Variants in MTMR2 observed in about 807,000 individuals in gnomAD.
MTMR2 encodes the protein phosphatidylinositol-3,5-bisphosphate 3-phosphatase MTMR2.
MTMR2 carries 55 observed loss-of-function variants against 86.9 expected under a neutral mutation model. The observed-to-expected ratio is 0.63, with a 90% CI of 0.51 to 0.79. MTMR2 has a LOEUF of 0.79. MTMR2 is among the 30% of genes least tolerant of loss of function. The probability of loss-of-function intolerance (pLI) is 0.00; values close to 1 mark genes in which losing one functional copy is unlikely to be tolerated. For synonymous variants in MTMR2, 241 were observed against 266.8 expected (o/e 0.90, Z 0.94); for missense variants, 659 against 772.3 (o/e 0.85, Z 1.74).
intron 7 of MTMR2, 122 bp downstream of exon 7, chr11:95,857,430 C>T (rs995460416): frequency 2.8e-6 from 2 of 715,910 alleles, no homozygotes; most frequent in African/African-American, 1.8e-5. Context: ...CTGCTTTAAT[C>T]TCTTAATGTG....
At position 95,905,331 on chromosome 11, in the gene MTMR2, G is replaced by GCGCGCGCGCGCGCACACACA. The variant is rs928252045; in HGVS notation, c.81-17071_81-17070insTGTGTGTGCGCGCGCGCGCG. Among the ~76,000 whole-genome samples, 277 of 148,092 alleles carry GCGCGCGCGCGCGCACACACA rather than the reference G, an allele frequency of 1.9e-3. 5 individuals are homozygous for GCGCGCGCGCGCGCACACACA. The highest frequency in any genetic ancestry group is 3.4e-3 in the Middle Eastern group (1 of 294). On this transcript the variant is annotated intron_variant, in intron 1 of 14. Transcript: ENST00000346299. ...CTTACACACACACGCACGCACCTGC[G>GCGCGCGCGCGCGCACACACA]CACACACACACACACACACACACAC...
At chr11:95,906,747 T>C (rs1866292259) in intron 1 of MTMR2, among the ~76,000 whole-genome samples, 1 of 152,120 alleles carries the variant, frequency 6.6e-6, no homozygotes, top group Non-Finnish European at 1.5e-5. Context: ...CTCAAAACCA[T>C]ACAATTACAT....
At chr11:95,875,500 A>AT (rs575273419) in intron 2 of MTMR2, among the ~76,000 whole-genome samples, 2,534 of 150,568 alleles carry the variant, frequency 0.017, 33 homozygotes, top group South Asian at 0.063. Context: ...CATTCGTCTA[A>AT]TTTTTTTTTC....
intron 5 of MTMR2, among the ~76,000 whole-genome samples, chr11:95,861,402 G>A (rs1205498444): frequency 7.1e-6 from 1 of 140,978 alleles, no homozygotes; most frequent in Non-Finnish European, 1.5e-5. Context: ...ATTAAAGATG[G>A]TTATTATTAT....
intron 7 of MTMR2, among the ~76,000 whole-genome samples, chr11:95,854,541 C>A (rs12283686): frequency 3.9e-5 from 6 of 152,350 alleles, no homozygotes; most frequent in African/African-American, 1.4e-4. Context: ...TCACAGCTCA[C>A]TGCAGCCTCA....
chr11:95,867,811 G>C (rs1201575845), intron 2 of MTMR2, among the ~76,000 whole-genome samples: 1 of 106,112 alleles, frequency 9.4e-6, no homozygotes, highest in African/African-American at 4.5e-5. Context: ...GAAAAAAAAG[G>C]CCTAGAAAAA....
At position 95,844,493 on chromosome 11, in the gene MTMR2, G is replaced by A. The variant is rs571150597; in HGVS notation, c.1386+460C>T. Reference sequence around the variant, plus strand: ...CCCAGCAGGGCCAGCTTCAGAACTTGAATATGTGTGGATTTTGGCCTGTTC... The same window carrying A: ...CCCAGCAGGGCCAGCTTCAGAACTTAAATATGTGTGGATTTTGGCCTGTTC... On this transcript the variant is annotated intron_variant, in intron 11 of 14. Coordinates refer to ENST00000346299, the MANE Select transcript of MTMR2 (RefSeq NM_016156.6). 2.6e-5 allele frequency among the ~76,000 whole-genome samples: 4 copies of A among 152,224 alleles called. No homozygotes were observed. In the East Asian group the frequency reaches 7.7e-4, roughly 29 times the overall value.
chr11:95,869,333 G>C (rs1487795541), intron 2 of MTMR2, among the ~76,000 whole-genome samples: 2 of 151,890 alleles, frequency 1.3e-5, no homozygotes, highest in African/African-American at 4.8e-5. Flanking sequence ...CCCCATCATA[G>C]GTCGAGGAGC....
chr11:95,919,365 AC>A (rs926286291), intron 1 of MTMR2, among the ~76,000 whole-genome samples: 3 of 151,980 alleles, frequency 2.0e-5, no homozygotes, highest in Admixed American at 2.0e-4. Context: ...GAGTATGTGT[AC>A]CCCCCCTTTG....
At chr11:95,912,732 T>C (rs1866556980) in intron 1 of MTMR2, among the ~76,000 whole-genome samples, 2 of 151,942 alleles carry the variant, frequency 1.3e-5, no homozygotes, top group South Asian at 2.1e-4. Context: ...TAAAATATAG[T>C]ATTATAAATA....
At chr11:95,903,236 C>G (rs1247916934) in intron 1 of MTMR2, among the ~76,000 whole-genome samples, 1 of 152,094 alleles carries the variant, frequency 6.6e-6, no homozygotes, top group African/African-American at 2.4e-5. Flanking sequence ...TTCTCTAGTA[C>G]CCCCAACCAA....
At chr11:95,857,761 CT>C (rs1335997496) in intron 6 of MTMR2, 126 bp from the exon 7 acceptor site, 2 of 670,594 alleles carry the variant, frequency 3.0e-6, no homozygotes, top group African/African-American at 1.8e-5. Flanking sequence ...TATTAGCATC[CT>C]TTTTTGTATT....
At chr11:95,849,918 T>C (rs1863953345) in intron 8 of MTMR2, 56 bp from the exon 9 acceptor site, 2 of 1,474,732 alleles carry the variant, frequency 1.4e-6, no homozygotes, top group African/African-American at 2.8e-5. Context: ...TTTATAATTC[T>C]CAAAAACAGT....
chr11:95,857,782 G>T, intron 6 of MTMR2, 147 bp from the exon 7 acceptor site: 1 of 632,422 alleles, frequency 1.6e-6, no homozygotes, highest in South Asian at 2.0e-5. Context: ...TATAGTTTTT[G>T]TTTTATCATT....
rs1432133994 is a variant in MTMR2 at position 95,877,331 on chromosome 11, CCTTTTTTTTTTTT to C, written c.186+10812_186+10824del. On this transcript the variant is annotated intron_variant, in intron 2 of 14. Transcript: ENST00000346299. ...CATTCAAGATCAAGCACAGGGAAGC[CCTTTTTTTTTTTT>C]TTTTTTTTTTTTTTTTTTTATATAA... is the stretch of plus-strand genomic sequence containing the variant. Among the ~76,000 whole-genome samples the C allele has an allele frequency of 3.8e-3, 362 of 94,732 alleles. 13 individuals are homozygous for C. Among genetic ancestry groups the C allele is most frequent in the African/African-American group, 0.016 (328 of 20,166 alleles). 62.1% of individuals were successfully genotyped at this position (94,732 alleles called of 152,430 possible).
intron 1 of MTMR2, 71 bp from the exon 2 acceptor site, chr11:95,888,332 A>C: frequency 1.0e-6 from 1 of 979,908 alleles, no homozygotes; most frequent in South Asian, 1.4e-5. Flanking sequence ...CATTGTATTT[A>C]ATATAACTCC....
chr11:95,905,328 T>TGCGCGCGCGCGCGC (rs201740423), intron 1 of MTMR2, among the ~76,000 whole-genome samples: 12 of 47,830 alleles, frequency 2.5e-4, no homozygotes, highest in South Asian at 6.2e-4. Flanking sequence ...CGCACGCACC[T>TGCGCGCGCGCGCGC]GCGCACACAC....
At chr11:95,860,923 C>T (rs1864394406) in intron 5 of MTMR2, among the ~76,000 whole-genome samples, 1 of 151,894 alleles carries the variant, frequency 6.6e-6, no homozygotes, top group African/African-American at 2.4e-5. Context: ...TTTGAGAGGC[C>T]GAGATGGGCA....
intron 10 of MTMR2, among the ~76,000 whole-genome samples, chr11:95,846,584 A>G (rs1863803214): frequency 1.3e-5 from 2 of 152,176 alleles, no homozygotes; most frequent in South Asian, 4.1e-4. Flanking sequence ...TCTTTGTGTG[A>G]TAAGGATTGG....
Sources: gnomAD v4.1 joint callset for allele counts (sites outside exome capture counted in the v4.1 genomes callset) on GRCh38, gnomAD v4.1.1 for gene constraint, MANE v1.5 for transcripts, NCBI Gene and HGNC (gene_info 2026-07-23, HGNC 2026-07-21) for gene names.